The following GRID1 variants were observed in gnomAD, a reference collection of about 807,000 sequenced individuals.
GRID1 encodes glutamate ionotropic receptor delta type subunit 1.
GRID1 carries 28 observed loss-of-function variants against 98.0 expected under a neutral mutation model. The observed-to-expected ratio is 0.29, with a 90% CI of 0.21 to 0.39. GRID1 has a LOEUF of 0.39. Among genes scored for constraint, GRID1 ranks in the 10% least tolerant of loss-of-function variants. The pLI is 1.00. For missense variants in GRID1, 1,111 were observed against 1,340.5 expected, an observed-to-expected ratio of 0.83 and a Z score of 2.67; for synonymous variants, 553 against 538.5, an observed-to-expected ratio of 1.03 and a Z score of -0.37.
At chr10:86,016,926 T>C (rs1038453218) in intron 4 of GRID1, among the ~76,000 whole-genome samples, 14 of 152,174 alleles carry the variant, frequency 9.2e-5, no homozygotes, top group African/African-American at 3.4e-4. Context: ...AGAGGAGGCA[T>C]TGGTCTTGAG....
At chr10:85,728,793 T>C (rs1222234206) in intron 9 of GRID1, among the ~76,000 whole-genome samples, 1 of 152,062 alleles carries the variant, frequency 6.6e-6, no homozygotes, top group African/African-American at 2.4e-5. Flanking sequence ...GGAAATAGGG[T>C]GTAAAGCTTA....
intron 4 of GRID1, among the ~76,000 whole-genome samples, chr10:86,120,500 T>C (rs2131958544): frequency 6.6e-6 from 1 of 152,334 alleles, no homozygotes; most frequent in South Asian, 2.1e-4. Context: ...ATTGCCAACC[T>C]TCAATAAATG....
At chr10:85,801,773 C>A (rs956882679) in intron 8 of GRID1, among the ~76,000 whole-genome samples, 1 of 151,668 alleles carries the variant, frequency 6.6e-6, no homozygotes, top group Non-Finnish European at 1.5e-5. Context: ...ATCTATTCAA[C>A]ATTATACTAC....
intron 4 of GRID1, among the ~76,000 whole-genome samples, chr10:86,034,582 A>C (rs113026169): frequency 3.3e-5 from 5 of 152,108 alleles, no homozygotes; most frequent in African/African-American, 1.2e-4. Context: ...TTCTTTCCGC[A>C]ATACCACACT....
chr10:86,018,783 G>T (rs546430176), intron 4 of GRID1, among the ~76,000 whole-genome samples: 1 of 152,238 alleles, frequency 6.6e-6, no homozygotes, highest in African/African-American at 2.4e-5. Flanking sequence ...CAAAGGCTGT[G>T]TGGCAGGAGG....
In GRID1 at chr10:85,599,802, A is replaced by ATATATATATATATAT. The variant is rs1554857296; in HGVS notation, c.*2470_*2471insATATATATATATATA. 4.8e-4 allele frequency: 31 copies of ATATATATATATATAT among 64,976 alleles called. No individual in the cohort carries two copies. The highest frequency in any genetic ancestry group is 2.0e-3 in the African/African-American group (21 of 10,728). 4.0% of individuals were successfully genotyped at this position (64,976 alleles called of 1,614,324 possible). A position where few individuals can be genotyped will look rare whatever the true frequency, so the allele number is the denominator to read the frequency against. ...GTAGAAAATTCTAAAAAAAAAAAAA[A>ATATATATATATATAT]ATATATATATATATATATAAACATG... On this transcript the variant is annotated 3_prime_UTR_variant, in exon 16 of 16. Coordinates refer to ENST00000327946, the MANE Select transcript of GRID1 (RefSeq NM_017551.3).
At chr10:85,993,046 G>A (rs530819613) in intron 4 of GRID1, among the ~76,000 whole-genome samples, 7 of 152,298 alleles carry the variant, frequency 4.6e-5, no homozygotes, top group African/African-American at 1.4e-4. Flanking sequence ...AGATAAAGAA[G>A]ATAATATAAA....
intron 2 of GRID1, among the ~76,000 whole-genome samples, chr10:86,270,343 T>C (rs778538651): frequency 6.7e-6 from 1 of 149,300 alleles, no homozygotes; most frequent in Non-Finnish European, 1.5e-5. Context: ...CCACCCTTCA[T>C]TCTCTCCATT....
chr10:86,181,251 A>G (rs1038754745), intron 3 of GRID1, among the ~76,000 whole-genome samples: 1 of 152,198 alleles, frequency 6.6e-6, no homozygotes, highest in Non-Finnish European at 1.5e-5. Flanking sequence ...TTACAAATCC[A>G]GGAGATCAGG....
intron 8 of GRID1, among the ~76,000 whole-genome samples, chr10:85,732,656 T>C (rs780063558): frequency 1.3e-5 from 2 of 152,174 alleles, no homozygotes; most frequent in Non-Finnish European, 1.5e-5. Flanking sequence ...GTTTCGCTGC[T>C]CTCAGCCTCT....
chr10:86,333,057 T>C (rs1306299334), intron 2 of GRID1, among the ~76,000 whole-genome samples: 1 of 152,198 alleles, frequency 6.6e-6, no homozygotes, highest in Non-Finnish European at 1.5e-5. Flanking sequence ...GTCCAGCTCC[T>C]GCTCCTGGGA....
chr10:86,032,968 T>G (rs1843208044), intron 4 of GRID1, among the ~76,000 whole-genome samples: 1 of 150,330 alleles, frequency 6.7e-6, no homozygotes, highest in African/African-American at 2.4e-5. Flanking sequence ...AAAAAATAAA[T>G]ATAAATAAAT....
At chr10:86,156,236 C>T (rs530628543) in intron 3 of GRID1, among the ~76,000 whole-genome samples, 1 of 152,326 alleles carries the variant, frequency 6.6e-6, no homozygotes, top group African/African-American at 2.4e-5. Context: ...CAGCTCCCTG[C>T]TCTTGTTTGG....
chr10:85,773,005 G>T (rs1480171503), intron 8 of GRID1, among the ~76,000 whole-genome samples: 1 of 152,132 alleles, frequency 6.6e-6, no homozygotes, highest in Non-Finnish European at 1.5e-5. Flanking sequence ...CCAAAGCCGG[G>T]CAGAGACAAA....
intron 4 of GRID1, among the ~76,000 whole-genome samples, chr10:86,056,841 T>A (rs141406595): frequency 6.6e-6 from 1 of 152,150 alleles, no homozygotes; most frequent in Non-Finnish European, 1.5e-5. Context: ...GAAAACCACA[T>A]AGCAATCAGG....
intron 3 of GRID1, among the ~76,000 whole-genome samples, chr10:86,188,974 G>A (rs1434058445): frequency 3.3e-5 from 5 of 151,980 alleles, no homozygotes; most frequent in Non-Finnish European, 5.9e-5. Flanking sequence ...GCCCCACTCC[G>A]CCAGGCCCAG....
At chr10:85,978,394 C>A (rs755000894) in intron 4 of GRID1, among the ~76,000 whole-genome samples, 2 of 152,202 alleles carry the variant, frequency 1.3e-5, no homozygotes, top group Non-Finnish European at 2.9e-5. Context: ...CATATTTAAT[C>A]AACTGGTACA....
At chr10:85,730,817 G>A (rs112840560) in intron 8 of GRID1, among the ~76,000 whole-genome samples, 1,705 of 152,172 alleles carry the variant, frequency 0.011, 34 homozygotes, top group African/African-American at 0.039. Flanking sequence ...TCTGATTCTG[G>A]GGCCTGAGAT....
intron 8 of GRID1, among the ~76,000 whole-genome samples, chr10:85,837,528 A>G (rs1842921450): frequency 1.3e-5 from 2 of 152,158 alleles, no homozygotes; most frequent in South Asian, 4.1e-4. Context: ...GCAGTCCAGG[A>G]GTTGGGAGCT....
Sources: allele counts gnomAD v4.1 joint callset (sites outside exome capture counted in the v4.1 genomes callset), GRCh38; gene constraint gnomAD v4.1.1; transcripts MANE v1.5; gene names NCBI Gene and HGNC (gene_info 2026-07-23, HGNC 2026-07-21).